The following ADAMTS9 variants were observed in gnomAD, a reference collection of about 807,000 sequenced individuals.
ADAMTS9 encodes the protein A disintegrin and metalloproteinase with thrombospondin motifs 9.
Under a neutral mutation model 257.1 loss-of-function variants are expected in ADAMTS9, and 107 were observed. The observed-to-expected ratio is 0.42, with a 90% CI of 0.36 to 0.49. The LOEUF (loss-of-function observed/expected upper bound fraction) is 0.49, where lower values mean the gene tolerates loss of function less well. Among genes scored for constraint, ADAMTS9 ranks in the 20% least tolerant of loss-of-function variants. The pLI, the probability that ADAMTS9 is intolerant of heterozygous loss-of-function variation, is 0.03. For synonymous variants in ADAMTS9, 982 were observed against 880.9 expected, an observed-to-expected ratio of 1.11 and a Z score of -2.03; for missense variants, 2,353 against 2,469.1, an observed-to-expected ratio of 0.95 and a Z score of 1.00.
intron 28 of ADAMTS9, chr3:64,590,105 A>G (rs1220749820): frequency 6.6e-6 from 1 of 152,212 alleles, no homozygotes; most frequent in Non-Finnish European, 1.5e-5. Context: ...TTGAGATTCA[A>G]TAATTCAGGA....
intron 19 of ADAMTS9, among the ~76,000 whole-genome samples, chr3:64,617,822 C>A (rs1700001748): frequency 6.6e-6 from 1 of 152,144 alleles, no homozygotes; most frequent in Non-Finnish European, 1.5e-5. Flanking sequence ...TACTGGTGTG[C>A]CATGAATCAT....
Position 64,603,976 on chromosome 3 carries a change from C to G in ADAMTS9, c.3693G>C (p.Lys1231Asn). 1 of 1,614,056 alleles carries G rather than the reference C, an allele frequency of 6.2e-7. No individual in the cohort carries two copies. Among genetic ancestry groups the G allele is most frequent in the Admixed American group, 1.7e-5 (1 of 60,010 alleles). Residue 1231 changes from lysine (K) to asparagine (N), a missense_variant, in exon 25 of 40, where the codon AAG becomes AAC. Lys to Asn is a moderately conservative substitution (Grantham distance 94). Around this residue, in one of 3 missense-constraint regions of ADAMTS9, gnomAD observed 1,402 missense variants for 1,441.4 expected, o/e 0.97. Transcript: ENST00000498707. ...ACATLPRPVAKEECSVTPCGQ... is the reference protein window; with the variant it reads ...ACATLPRPVANEECSVTPCGQ... The stretch of plus-strand genomic sequence containing the variant: ...CACAGGGTGTCACAGAACATTCTTC[C>G]TTTGCCACTGGTCTAGGCAGGGTAG...
At chr3:64,522,492 AT>A (rs1490423817) in intron 38 of ADAMTS9, 2 of 369,816 alleles carry the variant, frequency 5.4e-6, no homozygotes, top group African/African-American at 4.2e-5. Context: ...TGATTTTTAT[AT>A]TTTTAAATAA....
intron 12 of ADAMTS9, among the ~76,000 whole-genome samples, chr3:64,640,573 C>T (rs1320556016): frequency 1.3e-5 from 2 of 152,142 alleles, no homozygotes; most frequent in African/African-American, 4.8e-5. Context: ...AATCATTTTA[C>T]AAAATCCCAA....
At position 64,631,738 on chromosome 3, in the gene ADAMTS9, T is replaced by C. The variant is rs73122293; in HGVS notation, c.2293+70A>G. 3.5e-3 allele frequency: 4,943 copies of C among 1,393,296 alleles called. 11 individuals are homozygous for C. The highest frequency in any genetic ancestry group is 4.1e-3 in the Non-Finnish European group (4,053 of 984,658). 86.3% of individuals were successfully genotyped at this position (1,393,296 alleles called of 1,614,324 possible). ...TGCTCGACATTAATATTTTTGCATATTACATGTGGTTAACAATTTTCAAAC... is the reference window on the plus strand; with the variant it reads ...TGCTCGACATTAATATTTTTGCATACTACATGTGGTTAACAATTTTCAAAC... On this transcript the variant is annotated intron_variant, in intron 15 of 39. Coordinates refer to ENST00000498707, the MANE Select transcript of ADAMTS9 (RefSeq NM_182920.2).
At chr3:64,554,295 A>G (rs1344595439) in intron 30 of ADAMTS9, among the ~76,000 whole-genome samples, 2 of 152,224 alleles carry the variant, frequency 1.3e-5, no homozygotes, top group African/African-American at 4.8e-5. Flanking sequence ...ATTTACCTTG[A>G]ATATAACTTT....
intron 26 of ADAMTS9, among the ~76,000 whole-genome samples, chr3:64,600,612 T>C (rs1244727349): frequency 1.3e-5 from 2 of 152,246 alleles, no homozygotes; most frequent in African/African-American, 4.8e-5. Flanking sequence ...GGAAAAACCA[T>C]GAGACACTCG....
intron 22 of ADAMTS9, among the ~76,000 whole-genome samples, chr3:64,611,636 T>C (rs910960997): frequency 3.9e-5 from 6 of 152,132 alleles, no homozygotes; most frequent in Non-Finnish European, 7.3e-5. Context: ...TAGATTCTCA[T>C]AAGGAGTTCA....
chr3:64,545,952 A>T (rs530440755), intron 32 of ADAMTS9, among the ~76,000 whole-genome samples: 1 of 152,246 alleles, frequency 6.6e-6, no homozygotes, highest in East Asian at 1.9e-4. Flanking sequence ...GGGCTGTGAC[A>T]GTCTTCCAGG....
At chr3:64,646,694 A>G (rs1423892834) in intron 11 of ADAMTS9, among the ~76,000 whole-genome samples, 2 of 152,188 alleles carry the variant, frequency 1.3e-5, no homozygotes, top group Non-Finnish European at 2.9e-5. Context: ...TGGACTTTAT[A>G]TTTTTAAACT....
In ADAMTS9 at chr3:64,596,925, T is replaced by C. The variant is rs112694432; in HGVS notation, c.4084A>G (p.Thr1362Ala). Residue 1362 changes from threonine to alanine, a missense_variant, in exon 27 of 40, where the codon ACC becomes GCC. Thr to Ala is a moderately conservative substitution (Grantham distance 58, BLOSUM62 0). Around this residue, in one of 3 missense-constraint regions of ADAMTS9, gnomAD observed 1,402 missense variants for 1,441.4 expected, o/e 0.97. Coordinates refer to ENST00000498707, the MANE Select transcript of ADAMTS9 (RefSeq NM_182920.2). Reference sequence around the variant, plus strand: ...ATTCTCTCCACACAGTCGTTTGCGGTGTATCCATTTTCATCCTGACATACA... The same window carrying C: ...ATTCTCTCCACACAGTCGTTTGCGGCGTATCCATTTTCATCCTGACATACA... ...VVVCQDENGY[T>A]ANDCVERIKP... 2 of 1,613,726 alleles carry C rather than the reference T, an allele frequency of 1.2e-6. No homozygotes were observed. The highest frequency in any genetic ancestry group is 1.7e-6 in the Non-Finnish European group (2 of 1,179,846).
At chr3:64,628,630 T>A (rs1700288719) in intron 16 of ADAMTS9, among the ~76,000 whole-genome samples, 2 of 152,186 alleles carry the variant, frequency 1.3e-5, no homozygotes, top group African/African-American at 2.4e-5. Flanking sequence ...GTTAATTGTC[T>A]TATAAAGTTG....
chr3:64,615,181 G>A, intron 21 of ADAMTS9, 140 bp downstream of exon 21: 1 of 974,350 alleles, frequency 1.0e-6, no homozygotes, highest in Non-Finnish European at 1.5e-6. Context: ...CAGAGAACTG[G>A]AGTTGTTTTC....
chr3:64,686,717 G>C lies in ADAMTS9; in HGVS notation c.367C>G (p.Leu123Val). 6.2e-7 allele frequency: 1 copy of C among 1,614,250 alleles called. No homozygotes were observed. The highest frequency in any genetic ancestry group is 8.5e-7 in the Non-Finnish European group (1 of 1,180,052). The change falls in exon 2 of 40, where the codon CTG (leucine) becomes GTG (valine). Residue 123 changes from leucine to valine, a missense_variant. Transcript: ENST00000498707. This position sits in a 1 kb window ranked among gnomAD's most constrained non-coding sequence, Gnocchi z 4.6. ...LTANAGFIAP[L>V]FTVTLLGTPG... ...GTCCCGAGGAGGGTGACAGTGAACAGTGGAGCGATAAATCCGGCATTGGCG... is the reference window on the plus strand; with the variant it reads ...GTCCCGAGGAGGGTGACAGTGAACACTGGAGCGATAAATCCGGCATTGGCG...
intron 38 of ADAMTS9, among the ~76,000 whole-genome samples, chr3:64,525,014 C>A (rs1454440757): frequency 6.6e-6 from 1 of 152,160 alleles, no homozygotes; most frequent in Non-Finnish European, 1.5e-5. Flanking sequence ...TCTGAGAAAC[C>A]TTCCTGACCT....
At chr3:64,587,402 G>T (rs2084179940) in intron 28 of ADAMTS9, 1 of 152,110 alleles carries the variant, frequency 6.6e-6, no homozygotes, top group Non-Finnish European at 1.5e-5. Context: ...TGTTGCCTGA[G>T]GTTGCCCTGT....
Position 64,541,916 on chromosome 3 carries a change from T to C in ADAMTS9, c.5119A>G (p.Asn1707Asp). ...CATAAGTGGCTGGGTTGGTCCTCAT[T>C]GGTTAAACATTGCACAGATCTCTGC... ...VMQRSVQCLT[N>D]EDQPSHLCHT... Residue 1707 changes from asparagine (N) to aspartate (D), a missense_variant, in exon 33 of 40, where the codon AAT becomes GAT. Transcript: ENST00000498707. 1.2e-6 allele frequency: 2 copies of C among 1,614,152 alleles called. No homozygotes were observed. The highest frequency in any genetic ancestry group is 1.7e-6 in the Non-Finnish European group (2 of 1,180,016).
intron 38 of ADAMTS9, among the ~76,000 whole-genome samples, chr3:64,532,835 G>A (rs545300673): frequency 3.3e-5 from 5 of 152,214 alleles, no homozygotes; most frequent in Non-Finnish European, 7.4e-5. Flanking sequence ...CCGCAAGCTG[G>A]CTAACTGAAA....
Position 64,615,882 on chromosome 3 carries a change from G to A in ADAMTS9, c.3024+78C>T. ...ATCTCTTCCGCACAGCCTAAATGGG[G>A]CTTACACACCTGCAAGGAGCCACCA... On this transcript the variant is annotated intron_variant, in intron 20 of 39. Transcript: ENST00000498707. 3.2e-6 allele frequency: 5 copies of A among 1,544,350 alleles called. No individual in the cohort carries two copies. The South Asian group carries it at 4.5e-5, about 14-fold the overall frequency.
Sources: allele counts gnomAD v4.1 joint callset (sites outside exome capture counted in the v4.1 genomes callset), GRCh38; gene constraint gnomAD v4.1.1; regional missense constraint gnomAD v4.1.1; non-coding constraint Gnocchi (gnomAD v3.1); transcripts MANE v1.5; gene names NCBI Gene and HGNC (gene_info 2026-07-23, HGNC 2026-07-21).